The following SEC14L5 variants were observed in gnomAD, a reference collection of about 807,000 sequenced individuals.
The protein encoded by SEC14L5 is SEC14 like lipid binding 5.
In SEC14L5, 96 loss-of-function variants were observed where a neutral mutation model predicts 84.6. That is an observed-to-expected ratio of 1.13 (90% CI 0.96 to 1.34). The LOEUF (loss-of-function observed/expected upper bound fraction) is 1.34. Ranked by LOEUF, SEC14L5 falls within the 40% of genes most tolerant of loss-of-function variation. SEC14L5 has a pLI of 0.00. For synonymous variants in SEC14L5, 546 were observed against 383.4 expected (o/e 1.42, Z -4.95); for missense variants, 1,224 against 942.5 (o/e 1.30, Z -3.91).
rs1055600919 is a variant in SEC14L5, at chr16:5,015,637, C to T, written c.*667C>T. The T allele has an allele frequency of 2.0e-5, 3 of 152,606 alleles. No individual in the cohort carries two copies. The highest frequency in any genetic ancestry group is 7.2e-5 in the African/African-American group (3 of 41,468). The allele number at this position is 152,606 out of a possible 1,614,324, so 9.5% of individuals were successfully genotyped here. A position where few individuals can be genotyped will look rare whatever the true frequency, so the allele number is the denominator to read the frequency against. On this transcript the variant is annotated 3_prime_UTR_variant, in exon 16 of 16. Coordinates refer to ENST00000251170, the MANE Select transcript of SEC14L5 (RefSeq NM_014692.2). Reference sequence around the variant, plus strand: ...CTCTCAAAAGCACTAGTGGGTGCCTCGAGGAGTACTGGGGTCCCCCCTAAG... The same window carrying T: ...CTCTCAAAAGCACTAGTGGGTGCCTTGAGGAGTACTGGGGTCCCCCCTAAG...
chr16:4,993,340 C>T (rs534403512), intron 6 of SEC14L5, among the ~76,000 whole-genome samples: 9 of 152,314 alleles, frequency 5.9e-5, no homozygotes, highest in Admixed American at 3.9e-4. Context: ...CTCCCGGCTT[C>T]AAGCAATTCT....
intron 2 of SEC14L5, among the ~76,000 whole-genome samples, chr16:4,962,507 G>T (rs930710431): frequency 6.6e-6 from 1 of 152,076 alleles, no homozygotes; most frequent in Non-Finnish European, 1.5e-5. Flanking sequence ...GGCCAACATG[G>T]TAAAACCTTG....
Position 5,002,297 on chromosome 16 carries a change from G to GAT in SEC14L5, c.1131-1104_1131-1103dup, listed in dbSNP as rs780584071. 7.6e-3 allele frequency among the ~76,000 whole-genome samples: 552 copies of GAT among 72,512 alleles called. 2 individuals carry two copies. Among genetic ancestry groups the GAT allele is most frequent in the Admixed American group, 0.012 (58 of 4,890 alleles). The allele number at this position is 72,512 out of a possible 152,430, so 47.6% of individuals were successfully genotyped here. A position where few individuals can be genotyped will look rare whatever the true frequency, so the allele number is the denominator to read the frequency against. On this transcript the variant is annotated intron_variant, in intron 10 of 15. Transcript: ENST00000251170. The stretch of plus-strand genomic sequence containing the variant: ...AATTAAAGTTCCTTTGCTGTTTGCA[G>GAT]ATTTTTTTTTTTTTTTTTTGACAGA...
chr16:5,008,380 C>G lies in SEC14L5; in HGVS notation c.1573-41C>G, dbSNP rs766284364. On this transcript the variant is annotated intron_variant, in intron 13 of 15. Transcript: ENST00000251170. ...CTGTGTTCCCCACCCCAGCTCTACTCTCTCGGCCGTGACTCTCAGACCTCG... is the reference window on the plus strand; with the variant it reads ...CTGTGTTCCCCACCCCAGCTCTACTGTCTCGGCCGTGACTCTCAGACCTCG... 10 of 1,463,266 alleles carry G rather than the reference C, an allele frequency of 6.8e-6. No individual in the cohort carries two copies. The East Asian group carries it at 1.4e-4, about 21-fold the overall frequency. The allele number at this position is 1,463,266 out of a possible 1,614,324, so 90.6% of individuals were successfully genotyped here. A position where few individuals can be genotyped will look rare whatever the true frequency, so the allele number is the denominator to read the frequency against.
intron 2 of SEC14L5, among the ~76,000 whole-genome samples, chr16:4,982,793 C>G (rs779724382): frequency 6.6e-6 from 1 of 152,186 alleles, no homozygotes; most frequent in African/African-American, 2.4e-5. Flanking sequence ...GGTTAAGTAA[C>G]CCACCCAAGG....
At chr16:4,965,503 T>C (rs1488982715) in intron 2 of SEC14L5, among the ~76,000 whole-genome samples, 1 of 149,934 alleles carries the variant, frequency 6.7e-6, no homozygotes, top group Non-Finnish European at 1.5e-5. Flanking sequence ...CTACTAAAAA[T>C]ACAAAAAATT....
intron 12 of SEC14L5, among the ~76,000 whole-genome samples, chr16:5,007,024 A>C (rs1043057638): frequency 6.6e-6 from 1 of 152,128 alleles, no homozygotes; most frequent in Admixed American, 6.6e-5. Context: ...CCTGGCTGTC[A>C]GTCCGGCACC....
intron 11 of SEC14L5, 42 bp from the exon 12 acceptor site, chr16:5,005,872 A>G: frequency 6.7e-7 from 1 of 1,499,282 alleles, no homozygotes; most frequent in Non-Finnish European, 8.9e-7. Context: ...TCAAAAAAAA[A>G]AAAAAAAAAA....
At chr16:4,991,711 C>A (rs962325046) in intron 5 of SEC14L5, 127 bp from the exon 6 acceptor site, 2 of 559,556 alleles carry the variant, frequency 3.6e-6, no homozygotes, top group East Asian at 3.1e-5. Context: ...CAGACACATC[C>A]AGCCACTCAA....
At chr16:5,013,585 G>A (rs1446889069) in intron 15 of SEC14L5, among the ~76,000 whole-genome samples, 1 of 131,674 alleles carries the variant, frequency 7.6e-6, no homozygotes, top group Admixed American at 8.1e-5. Flanking sequence ...TGGAGACAGG[G>A]TTTCACTCTG....
At chr16:5,012,501 G>A (rs1955816955) in intron 15 of SEC14L5, among the ~76,000 whole-genome samples, 1 of 152,218 alleles carries the variant, frequency 6.6e-6, no homozygotes, top group Admixed American at 6.5e-5. Context: ...CACAGATAGG[G>A]TCTGCCATCA....
intron 2 of SEC14L5, among the ~76,000 whole-genome samples, chr16:4,972,802 G>C (rs948643238): frequency 6.6e-6 from 1 of 152,170 alleles, no homozygotes; most frequent in African/African-American, 2.4e-5. Context: ...GTGAACATTT[G>C]TGTACAAATA....
At chr16:4,969,627 A>G (rs1955250762) in intron 2 of SEC14L5, among the ~76,000 whole-genome samples, 1 of 151,966 alleles carries the variant, frequency 6.6e-6, no homozygotes, top group Admixed American at 6.6e-5. Flanking sequence ...CAGGTGATCC[A>G]CCCACCTTGG....
At position 5,011,077 on chromosome 16, in the gene SEC14L5, A is replaced by G; in HGVS notation, c.1801-18A>G. Reference sequence around the variant, plus strand: ...TCTGGAGGGCGCAGGGCCTCAGGGCAGGGCTGATGTGTTTCAGGGCTCCCA... The same window carrying G: ...TCTGGAGGGCGCAGGGCCTCAGGGCGGGGCTGATGTGTTTCAGGGCTCCCA... On this transcript the variant is annotated intron_variant, in intron 14 of 15. Transcript: ENST00000251170. The G allele has an allele frequency of 6.3e-7, 1 of 1,579,178 alleles. No individual in the cohort carries two copies.
At chr16:5,006,541 T>G (rs1221352284) in intron 12 of SEC14L5, among the ~76,000 whole-genome samples, 1 of 152,136 alleles carries the variant, frequency 6.6e-6, no homozygotes, top group African/African-American at 2.4e-5. Flanking sequence ...TTGCCTCCCC[T>G]GGGGTGAAAT....
intron 2 of SEC14L5, among the ~76,000 whole-genome samples, chr16:4,979,013 C>T (rs775576173): frequency 6.6e-5 from 10 of 152,190 alleles, no homozygotes; most frequent in Non-Finnish European, 8.8e-5. Context: ...CCACTTCACC[C>T]GACCTCAGCC....
At chr16:4,988,592 C>T (rs1356531680) in intron 4 of SEC14L5, among the ~76,000 whole-genome samples, 2 of 152,200 alleles carry the variant, frequency 1.3e-5, no homozygotes, top group Admixed American at 6.5e-5. Context: ...TCCTCTCCCT[C>T]CTCTTTCCCC....
intron 2 of SEC14L5, among the ~76,000 whole-genome samples, chr16:4,962,727 C>T (rs956452610): frequency 2.7e-5 from 4 of 150,286 alleles, no homozygotes; most frequent in Non-Finnish European, 5.9e-5. Flanking sequence ...TCTGTACCTG[C>T]GTTAATTTAA....
At chr16:4,968,572 C>G (rs1446363030) in intron 2 of SEC14L5, among the ~76,000 whole-genome samples, 2 of 152,244 alleles carry the variant, frequency 1.3e-5, no homozygotes, top group Non-Finnish European at 2.9e-5. Context: ...AGCCATCCTC[C>G]TGTGGTCTCC....
Sources: allele counts gnomAD v4.1 joint callset (sites outside exome capture counted in the v4.1 genomes callset), GRCh38; gene constraint gnomAD v4.1.1; transcripts MANE v1.5; gene names NCBI Gene and HGNC (gene_info 2026-07-23, HGNC 2026-07-21).